Variants in MCCC1 observed in about 807,000 individuals in gnomAD.
MCCC1 encodes the protein methylcrotonyl-CoA carboxylase subunit 1, also known as methylcrotonoyl-CoA carboxylase subunit alpha, mitochondrial.
In MCCC1, 64 loss-of-function variants were observed where a neutral mutation model predicts 83.8. That is an observed-to-expected ratio of 0.76 (90% CI 0.62 to 0.94). The LOEUF (loss-of-function observed/expected upper bound fraction) is 0.94. Ranked by LOEUF, MCCC1 falls within the 40% of genes least tolerant of loss-of-function variation. The pLI is 0.00. For missense variants in MCCC1, 807 were observed against 904.7 expected, an observed-to-expected ratio of 0.89 and a Z score of 1.39; for synonymous variants, 322 against 315.4, an observed-to-expected ratio of 1.02 and a Z score of -0.22.
intron 4 of MCCC1, among the ~76,000 whole-genome samples, chr3:183,076,381 T>A (rs1717076247): frequency 6.6e-6 from 1 of 152,216 alleles, no homozygotes. Flanking sequence ...CTTTTTATAA[T>A]ATGGATTCTG....
At chr3:183,063,839 C>T (rs1716034342) in intron 7 of MCCC1, among the ~76,000 whole-genome samples, 1 of 152,166 alleles carries the variant, frequency 6.6e-6, no homozygotes, top group South Asian at 2.1e-4. Flanking sequence ...TGCGGAGACC[C>T]TCCAACCCAA....
chr3:183,030,243 A>G (rs4859263), intron 14 of MCCC1, among the ~76,000 whole-genome samples: 136,803 of 152,152 alleles, frequency 0.9, 61,810 homozygotes, highest in East Asian at 1. Context: ...GGGAGGCAGA[A>G]GTTGCAGTGA....
intron 11 of MCCC1, among the ~76,000 whole-genome samples, chr3:183,041,004 T>C (rs1024361369): frequency 1.3e-5 from 2 of 152,188 alleles, no homozygotes; most frequent in African/African-American, 4.8e-5. Context: ...TAATAATGCC[T>C]ACTTACAGGG....
intron 9 of MCCC1, among the ~76,000 whole-genome samples, chr3:183,050,705 C>CAAAAAA (rs746973567): frequency 4.6e-5 from 2 of 43,612 alleles, no homozygotes; most frequent in African/African-American, 6.4e-5. Context: ...GACTCTGTCT[C>CAAAAAA]AAAAAAAAAA....
At chr3:183,113,919 G>T (rs76806848) in intron 1 of MCCC1, among the ~76,000 whole-genome samples, 280 of 152,078 alleles carry the variant, frequency 1.8e-3, no homozygotes, top group Non-Finnish European at 2.8e-3. Flanking sequence ...AGCTGTCTTG[G>T]GGGGTGAGCC....
intron 7 of MCCC1, among the ~76,000 whole-genome samples, chr3:183,060,825 T>C (rs1715774733): frequency 3.5e-5 from 1 of 28,544 alleles, no homozygotes; most frequent in African/African-American, 6.8e-5. Context: ...ACATGCGGTG[T>C]TCCGTTTTTT....
intron 7 of MCCC1, among the ~76,000 whole-genome samples, chr3:183,058,458 AT>A (rs1410947034): frequency 1.3e-5 from 2 of 151,680 alleles, no homozygotes; most frequent in Non-Finnish European, 2.9e-5. Flanking sequence ...TCTAAAAAAA[AT>A]TTTTTTTTAT....
chr3:183,093,606 A>C (rs1334950556), intron 2 of MCCC1, among the ~76,000 whole-genome samples: 1 of 152,204 alleles, frequency 6.6e-6, no homozygotes, highest in Non-Finnish European at 1.5e-5. Flanking sequence ...GTTCATAATA[A>C]AGTTATTTCT....
chr3:183,071,477 C>T, intron 5 of MCCC1, 120 bp from the exon 6 acceptor site: 8 of 1,402,716 alleles, frequency 5.7e-6, no homozygotes, highest in Non-Finnish European at 8.0e-6. Flanking sequence ...AACATCGAGT[C>T]TGAGACGACA....
chr3:183,092,635 C>G, intron 2 of MCCC1, 90 bp from the exon 3 acceptor site: 1 of 1,536,974 alleles, frequency 6.5e-7, no homozygotes, highest in Non-Finnish European at 8.9e-7. Context: ...CTGATAAGGA[C>G]TCGACTGATA....
intron 14 of MCCC1, among the ~76,000 whole-genome samples, chr3:183,033,443 C>T (rs967797158): frequency 3.9e-5 from 6 of 152,170 alleles, no homozygotes; most frequent in East Asian, 3.8e-4. Flanking sequence ...GGTATAACAG[C>T]GACTCCCCCT....
intron 7 of MCCC1, among the ~76,000 whole-genome samples, chr3:183,059,382 C>A (rs1484894265): frequency 2.1e-5 from 3 of 143,746 alleles, no homozygotes; most frequent in African/African-American, 9.0e-5. Flanking sequence ...TCCAACCTGT[C>A]CAATACATTC....
intron 11 of MCCC1, among the ~76,000 whole-genome samples, chr3:183,041,300 C>T (rs1233542999): frequency 6.6e-6 from 1 of 152,122 alleles, no homozygotes. Context: ...AGGTCAAGAA[C>T]AGTACACACA....
intron 4 of MCCC1, among the ~76,000 whole-genome samples, chr3:183,078,481 A>G (rs2108539011): frequency 6.6e-6 from 1 of 152,328 alleles, no homozygotes; most frequent in South Asian, 2.1e-4. Context: ...ACTGCATTAA[A>G]TATATAATGC....
In MCCC1 at chr3:183,052,245, G is replaced by GA. The variant is rs755494348; in HGVS notation, c.874-6dup. ...TACTTCAGATTTAATACCAGGCTATGAAAAAAATATGTAAATAAATCTCCA... is the reference window on the plus strand; with the variant it reads ...TACTTCAGATTTAATACCAGGCTATGAAAAAAAATATGTAAATAAATCTCCA... On this transcript the variant is annotated splice_region_variant and splice_polypyrimidine_tract_variant and intron_variant, in intron 8 of 18. Coordinates refer to ENST00000265594, the MANE Select transcript of MCCC1 (RefSeq NM_020166.5). The GA allele has an allele frequency of 3.7e-6, 6 of 1,612,700 alleles. No individual in the cohort carries two copies. The East Asian group carries it at 6.7e-5, about 18-fold the overall frequency.
intron 13 of MCCC1, among the ~76,000 whole-genome samples, 193 bp downstream of exon 13, chr3:183,037,025 G>C (rs1360500661): frequency 6.6e-6 from 1 of 152,076 alleles, no homozygotes; most frequent in Non-Finnish European, 1.5e-5. Flanking sequence ...CAGTTAATGG[G>C]TTAAATAGTG....
intron 15 of MCCC1, 72 bp downstream of exon 15, chr3:183,025,683 T>C: frequency 3.1e-6 from 4 of 1,298,998 alleles, no homozygotes; most frequent in Non-Finnish European, 4.5e-6. Context: ...AACCAGAGAG[T>C]GAAAGACCCT....
intron 1 of MCCC1, 108 bp downstream of exon 1, chr3:183,099,244 G>T: frequency 7.5e-7 from 1 of 1,327,580 alleles, no homozygotes; most frequent in Non-Finnish European, 1.0e-6. Flanking sequence ...TTTTCCTACC[G>T]TCCTCCCCAC....
At chr3:183,025,586 TA>T (rs1408154522) in intron 15 of MCCC1, among the ~76,000 whole-genome samples, 168 bp downstream of exon 15, 1 of 152,230 alleles carries the variant, frequency 6.6e-6, no homozygotes, top group Non-Finnish European at 1.5e-5. Flanking sequence ...AGAAACTGTA[TA>T]GGGGGTAATT....
Sources: allele counts gnomAD v4.1 joint callset (sites outside exome capture counted in the v4.1 genomes callset), GRCh38; gene constraint gnomAD v4.1.1; transcripts MANE v1.5; gene names NCBI Gene and HGNC (gene_info 2026-07-23, HGNC 2026-07-21).